Variants in ALG9 observed in about 807,000 individuals in gnomAD.
ALG9 encodes the protein ALG9 alpha-1,2-mannosyltransferase, also known as alpha-1,2-mannosyltransferase ALG9.
In ALG9, 55 loss-of-function variants were observed where a neutral mutation model predicts 81.8. The observed-to-expected ratio is 0.67, with a 90% confidence interval of 0.54 to 0.84. The LOEUF is 0.84. ALG9 is among the 40% of genes least tolerant of loss of function. The pLI is 0.00. For missense variants in ALG9, 629 were observed against 745.0 expected (o/e 0.84, Z 1.81); for synonymous variants, 278 against 274.3 (o/e 1.01, Z -0.13).
At chr11:111,853,161 TA>T (rs1469078094) in intron 8 of ALG9, among the ~76,000 whole-genome samples, 1 of 147,644 alleles carries the variant, frequency 6.8e-6, no homozygotes, top group Admixed American at 6.7e-5. Flanking sequence ...ACAGGAAAAA[TA>T]GAGAGCCAGT....
intron 8 of ALG9, 64 bp downstream of exon 8, chr11:111,853,316 A>G: frequency 9.1e-7 from 1 of 1,099,200 alleles, no homozygotes; most frequent in African/African-American, 1.5e-5. Flanking sequence ...ACTGAATTAA[A>G]ATGCTGAAGT....
chr11:111,791,507 C>T (rs1947400820), intron 14 of ALG9, among the ~76,000 whole-genome samples: 1 of 152,224 alleles, frequency 6.6e-6, no homozygotes. Context: ...AGGTTAAATA[C>T]TCTGTGCATT....
At chr11:111,805,905 G>C (rs555066786) in intron 14 of ALG9, among the ~76,000 whole-genome samples, 181 of 152,250 alleles carry the variant, frequency 1.2e-3, no homozygotes, top group African/African-American at 4.1e-3. Flanking sequence ...GGTTGGAGTT[G>C]GAGTGCAGTG....
chr11:111,836,112 C>T, intron 13 of ALG9, 53 bp downstream of exon 13: 1 of 1,611,164 alleles, frequency 6.2e-7, no homozygotes. Flanking sequence ...CACCAACAGA[C>T]TTTTAGGCAT....
At chr11:111,844,456 AAC>A in intron 9 of ALG9, 143 bp downstream of exon 9, 3 of 1,226,904 alleles carry the variant, frequency 2.4e-6, no homozygotes, top group South Asian at 1.3e-5. Context: ...TGGATCAACA[AAC>A]ACAGACTGAA....
chr11:111,792,217 T>C (rs1296894110), intron 14 of ALG9, among the ~76,000 whole-genome samples: 1 of 152,268 alleles, frequency 6.6e-6, no homozygotes, highest in Non-Finnish European at 1.5e-5. Flanking sequence ...TATTATTTAT[T>C]TGTTGGTTAA....
Position 111,853,730 on chromosome 11 carries a change from G to A in ALG9, c.708C>T (p.Pro236=), listed in dbSNP as rs1555141106. 3 of 1,613,558 alleles carry A rather than the reference G, an allele frequency of 1.9e-6. 1 individual carries two copies. The South Asian group carries it at 3.3e-5, about 18-fold the overall frequency. ...GWPFSAALGL[P]IAFDLLVMKH... is the part of the protein sequence containing the mutation. ...TCATGACCAGCAAATCAAAGGCAAT[G>A]GGTAAACTATTTAACAGAGAAACAG... is the stretch of plus-strand genomic sequence containing the variant. The change falls in exon 7 of 15, where the codon CCC becomes CCT. Residue 236 remains proline, a synonymous_variant. Transcript: ENST00000616540.
chr11:111,806,601 C>T (rs1394840407), intron 14 of ALG9, among the ~76,000 whole-genome samples: 1 of 152,162 alleles, frequency 6.6e-6, no homozygotes, highest in African/African-American at 2.4e-5. Context: ...ACTGGAGTTT[C>T]CCTGGCCTCA....
At chr11:111,800,766 G>A (rs116882663) in intron 14 of ALG9, among the ~76,000 whole-genome samples, 2 of 152,104 alleles carry the variant, frequency 1.3e-5, no homozygotes, top group Admixed American at 6.6e-5. Flanking sequence ...CAGCGACCTG[G>A]TATGTACTGT....
chr11:111,810,159 T>C (rs1221097073), intron 13 of ALG9, among the ~76,000 whole-genome samples: 1 of 152,184 alleles, frequency 6.6e-6, no homozygotes. Flanking sequence ...TAAACACAGA[T>C]GCTAATGTGT....
downstream of ALG9, among the ~76,000 whole-genome samples, chr11:111,781,328 G>A (rs1222510778): frequency 6.6e-5 from 10 of 152,190 alleles, no homozygotes; most frequent in African/African-American, 2.4e-4. Context: ...TTCCAGCTGG[G>A]TGCAGTGGTG....
chr11:111,779,535 G>A (rs138437535), downstream of ALG9, among the ~76,000 whole-genome samples: 13 of 151,202 alleles, frequency 8.6e-5, no homozygotes, highest in East Asian at 1.4e-3. Context: ...ATATAGAGGC[G>A]GGGTGGGGTC....
At chr11:111,781,304 C>T (rs1945923364), downstream of ALG9, among the ~76,000 whole-genome samples, 1 of 151,624 alleles carries the variant, frequency 6.6e-6, no homozygotes, top group African/African-American at 2.4e-5. Context: ...AATTCATTTA[C>T]AAAAAAAAAT....
rs368604954 is a variant in ALG9, at chr11:111,853,453, A to G, written c.822T>C (p.Tyr274=). 1 of 1,614,112 alleles carries G rather than the reference A, an allele frequency of 6.2e-7. No homozygotes were observed. The highest frequency in any genetic ancestry group is 1.3e-5 in the African/African-American group (1 of 75,056). Residue 274 remains tyrosine, a synonymous_variant, in exon 8 of 15, where the codon TAT becomes TAC. Transcript: ENST00000616540. ...TGAGTGGTGCAATCACCAACTTCCC[A>G]TAATAGTAGCTGTCAATGACCACCA... ...VPVVVIDSYY[Y]GKLVIAPLNI... is the part of the protein sequence containing the mutation.
chr11:111,871,226 G>A (rs1336695018), intron 1 of ALG9, 126 bp downstream of exon 1: 4 of 1,313,290 alleles, frequency 3.0e-6, no homozygotes, highest in South Asian at 2.2e-5. Flanking sequence ...GCTGAAGAGG[G>A]AGCTCGGGCC....
intron 14 of ALG9, among the ~76,000 whole-genome samples, chr11:111,791,637 C>A (rs896952378): frequency 7.9e-5 from 12 of 152,068 alleles, no homozygotes; most frequent in African/African-American, 2.2e-4. Context: ...CCTCCCGGAC[C>A]TCTACACTCC....
chr11:111,806,571 C>T (rs1229938946), intron 14 of ALG9, among the ~76,000 whole-genome samples: 1 of 152,158 alleles, frequency 6.6e-6, no homozygotes. Flanking sequence ...GGTTCCTCCT[C>T]TTCTCCCTAA....
At position 111,852,594 on chromosome 11, in the gene ALG9, T is replaced by G. The variant is rs377007149; in HGVS notation, c.895+786A>C. 5.0e-4 allele frequency among the ~76,000 whole-genome samples: 76 copies of G among 152,260 alleles called. 1 individual carries two copies. The highest frequency in any genetic ancestry group is 1.7e-3 in the African/African-American group (72 of 41,558). Reference sequence around the variant, plus strand: ...TTCTCCCCAAATGCTGGAATTGAAGTAAAGCAAATCTGGAAGAGAAAAAGT... The same window carrying G: ...TTCTCCCCAAATGCTGGAATTGAAGGAAAGCAAATCTGGAAGAGAAAAAGT... On this transcript the variant is annotated intron_variant, in intron 8 of 14. Coordinates refer to ENST00000616540, the MANE Select transcript of ALG9 (RefSeq NM_024740.2).
intron 9 of ALG9, 81 bp from the exon 10 acceptor site, chr11:111,840,890 A>C: frequency 2.1e-5 from 33 of 1,538,978 alleles, no homozygotes; most frequent in South Asian, 3.4e-5. Flanking sequence ...TCTTGATCTC[A>C]AATTTAGGAG....
Sources: allele counts gnomAD v4.1 joint callset (sites outside exome capture counted in the v4.1 genomes callset), GRCh38; gene constraint gnomAD v4.1.1; transcripts MANE v1.5; gene names NCBI Gene and HGNC (gene_info 2026-07-23, HGNC 2026-07-21).